Variants in PAQR5 observed in about 807,000 individuals in gnomAD.
PAQR5 encodes the protein membrane progestin receptor gamma.
Under a neutral mutation model 34.5 loss-of-function variants are expected in PAQR5, and 20 were observed. The ratio of observed to expected loss-of-function variants is 0.58; its 90% confidence interval spans 0.41 to 0.84. The LOEUF is 0.84. PAQR5 is among the 40% of genes least tolerant of loss of function. The probability of loss-of-function intolerance (pLI) is 0.00; values close to 1 mark genes in which losing one functional copy is unlikely to be tolerated. For synonymous variants in PAQR5, 131 were observed against 155.6 expected (o/e 0.84, Z 1.18); for missense variants, 378 against 412.7 (o/e 0.92, Z 0.73).
At chr15:69,398,464 A>T (rs1396486002) in intron 7 of PAQR5, among the ~76,000 whole-genome samples, 1 of 152,162 alleles carries the variant, frequency 6.6e-6, no homozygotes, top group Non-Finnish European at 1.5e-5. Context: ...GTAGGGGAAA[A>T]CAATGGATCT....
chr15:69,352,828 C>T lies in PAQR5; in HGVS notation c.-115-7138C>T, dbSNP rs117932943. On this transcript the variant is annotated intron_variant, in intron 2 of 8. Coordinates refer to ENST00000395407, the MANE Select transcript of PAQR5 (RefSeq NM_017705.4). ...TGGATGGTCAGGAATATGGAAGAAA[C>T]ATGACTGGAAAATTGGTGACAAGGA... Among the ~76,000 whole-genome samples, 393 of 152,268 alleles carry T rather than the reference C, an allele frequency of 2.6e-3. 1 individual carries two copies. The highest frequency in any genetic ancestry group is 3.9e-3 in the Non-Finnish European group (264 of 68,016).
At chr15:69,331,626 G>A (rs538979357) in intron 1 of PAQR5, among the ~76,000 whole-genome samples, 1 of 152,028 alleles carries the variant, frequency 6.6e-6, no homozygotes, top group Non-Finnish European at 1.5e-5. Flanking sequence ...CCTGTCTCTC[G>A]GGGTGACTAT....
At chr15:69,323,929 C>T (rs535834511) in intron 1 of PAQR5, among the ~76,000 whole-genome samples, 2 of 152,102 alleles carry the variant, frequency 1.3e-5, no homozygotes, top group African/African-American at 4.8e-5. Context: ...TGTCAGTTAC[C>T]ACAGATCTGT....
intron 7 of PAQR5, among the ~76,000 whole-genome samples, chr15:69,398,970 C>CA (rs2056538271): frequency 6.6e-6 from 1 of 152,212 alleles, no homozygotes; most frequent in South Asian, 2.1e-4. Context: ...TCCTCACCTG[C>CA]AAAATGGGGA....
intron 1 of PAQR5, among the ~76,000 whole-genome samples, chr15:69,317,683 A>G (rs2053985922): frequency 6.6e-6 from 1 of 152,168 alleles, no homozygotes; most frequent in African/African-American, 2.4e-5. Context: ...CAAATCATCT[A>G]GGGAGGTGCA....
Position 69,404,255 on chromosome 15 carries a change from T to C in PAQR5, c.*433T>C, listed in dbSNP as rs755120047. The C allele has an allele frequency of 8.7e-5, 15 of 172,674 alleles. No homozygotes were observed. Among genetic ancestry groups the C allele is most frequent in the Non-Finnish European group, 1.2e-4 (10 of 81,642 alleles). 10.7% of individuals were successfully genotyped at this position (172,674 alleles called of 1,614,324 possible). Reference sequence around the variant, plus strand: ...TGGCCTGTCAACCACTTTCGGAGAATGAGCCAGGTCAGTCACTGGGAGGAC... The same window carrying C: ...TGGCCTGTCAACCACTTTCGGAGAACGAGCCAGGTCAGTCACTGGGAGGAC... On this transcript the variant is annotated 3_prime_UTR_variant, in exon 9 of 9. Transcript: ENST00000395407.
chr15:69,341,244 G>A (rs1219814221), intron 2 of PAQR5, among the ~76,000 whole-genome samples: 1 of 143,456 alleles, frequency 7.0e-6, no homozygotes, highest in African/African-American at 2.6e-5. Context: ...CCTATTCCAG[G>A]CATGTCATCT....
intron 4 of PAQR5, 55 bp downstream of exon 4, chr15:69,380,065 G>C: frequency 6.3e-7 from 1 of 1,596,508 alleles, no homozygotes; most frequent in Non-Finnish European, 8.6e-7. Flanking sequence ...TGGAGACCAG[G>C]GTGTCTTAAA....
In PAQR5 at chr15:69,362,386, G is replaced by T. The variant is rs115215262; in HGVS notation, c.51+2255G>T. On this transcript the variant is annotated intron_variant, in intron 3 of 8. Transcript: ENST00000395407. ...ATGAAGCCATAGAGAAAATATAGTGGCTCTGCCTGCCTGGAGGGTAGTTTT... is the reference window on the plus strand; with the variant it reads ...ATGAAGCCATAGAGAAAATATAGTGTCTCTGCCTGCCTGGAGGGTAGTTTT... Among the ~76,000 whole-genome samples the T allele has an allele frequency of 6.4e-3, 968 of 152,330 alleles. 16 individuals are homozygous for T. Among genetic ancestry groups the T allele is most frequent in the African/African-American group, 0.022 (925 of 41,574 alleles).
At position 69,361,968 on chromosome 15, in the gene PAQR5, C is replaced by T. The variant is rs114307564; in HGVS notation, c.51+1837C>T. The stretch of plus-strand genomic sequence containing the variant: ...GGGGCAGGTGGTGATGGTGGGGGGA[C>T]TGGGGAGCGTCTTGGGGGTAGAGGT... On this transcript the variant is annotated intron_variant, in intron 3 of 8. Transcript: ENST00000395407. 6.2e-3 allele frequency among the ~76,000 whole-genome samples: 931 copies of T among 149,894 alleles called. 12 individuals carry two copies. The highest frequency in any genetic ancestry group is 0.022 in the African/African-American group (889 of 40,614).
In PAQR5 at chr15:69,403,994, G is replaced by A; in HGVS notation, c.*172G>A. ...TTCAGCTGGGGAAATTTCTCTAAATGTACACTGATTCTGTGTGTGTGATTT... is the reference window on the plus strand; with the variant it reads ...TTCAGCTGGGGAAATTTCTCTAAATATACACTGATTCTGTGTGTGTGATTT... On this transcript the variant is annotated 3_prime_UTR_variant, in exon 9 of 9. Transcript: ENST00000395407. The A allele has an allele frequency of 3.0e-6, 2 of 667,382 alleles. No individual in the cohort carries two copies. The highest frequency in any genetic ancestry group is 2.0e-5 in the South Asian group (1 of 50,080). 41.3% of individuals were successfully genotyped at this position (667,382 alleles called of 1,614,324 possible).
intron 1 of PAQR5, among the ~76,000 whole-genome samples, chr15:69,322,751 A>AGAAGAAGAG (rs2054138470): frequency 3.9e-5 from 1 of 25,596 alleles, no homozygotes; most frequent in Non-Finnish European, 8.8e-5. Context: ...AAGAAGAAGA[A>AGAAGAAGAG]GAAGAAGAAG....
intron 2 of PAQR5, among the ~76,000 whole-genome samples, chr15:69,344,441 C>A (rs988700823): frequency 6.6e-6 from 1 of 152,170 alleles, no homozygotes; most frequent in Non-Finnish European, 1.5e-5. Flanking sequence ...TTAAAAATAA[C>A]CTCAACTGAA....
Position 69,319,187 on chromosome 15 carries a change from A to AAATATATACATATATATATT in PAQR5, c.-276-18154_-276-18153insAATATATACATATATATATT, listed in dbSNP as rs2054034423. On this transcript the variant is annotated intron_variant, in intron 1 of 8. Coordinates refer to ENST00000395407, the MANE Select transcript of PAQR5 (RefSeq NM_017705.4). Reference sequence around the variant, plus strand: ...TATATATATATATATATATATATATATATATATATATATATATATATATAT... The same window carrying AAATATATACATATATATATT: ...TATATATATATATATATATATATATAAATATATACATATATATATTTATATATATATATATATATATATAT... Among the ~76,000 whole-genome samples the AAATATATACATATATATATT allele has an allele frequency of 4.9e-4, 3 of 6,106 alleles. 1 individual carries two copies. Among genetic ancestry groups the AAATATATACATATATATATT allele is most frequent in the Admixed American group, 0.01 (2 of 198 alleles). The allele number at this position is 6,106 out of a possible 152,430, so 4.0% of individuals were successfully genotyped here.
chr15:69,394,473 C>T (rs1448581408), intron 6 of PAQR5, among the ~76,000 whole-genome samples: 1 of 152,248 alleles, frequency 6.6e-6, no homozygotes, highest in African/African-American at 2.4e-5. Context: ...TGCACTCGTG[C>T]GTGCGCCTCT....
chr15:69,299,600 T>C (rs2053481059), intron 1 of PAQR5, among the ~76,000 whole-genome samples: 1 of 152,054 alleles, frequency 6.6e-6, no homozygotes, highest in Non-Finnish European at 1.5e-5. Context: ...TACAGGGAGT[T>C]CCCCCTGCTC....
At chr15:69,342,056 A>C (rs2054657438) in intron 2 of PAQR5, among the ~76,000 whole-genome samples, 1 of 152,010 alleles carries the variant, frequency 6.6e-6, no homozygotes, top group Admixed American at 6.6e-5. Flanking sequence ...TTCCATAGCT[A>C]TTGCACCACT....
intron 3 of PAQR5, among the ~76,000 whole-genome samples, chr15:69,367,206 G>A (rs1169989988): frequency 1.3e-5 from 2 of 151,924 alleles, no homozygotes; most frequent in African/African-American, 2.4e-5. Context: ...AAATGCTTTT[G>A]TCTTGTTTTC....
At chr15:69,309,493 A>G (rs2053784487) in intron 1 of PAQR5, among the ~76,000 whole-genome samples, 1 of 152,202 alleles carries the variant, frequency 6.6e-6, no homozygotes, top group Non-Finnish European at 1.5e-5. Context: ...AAAATGTGTC[A>G]GTAGACGTGA....
Sources: gnomAD v4.1 joint callset for allele counts (sites outside exome capture counted in the v4.1 genomes callset) on GRCh38, gnomAD v4.1.1 for gene constraint, MANE v1.5 for transcripts, NCBI Gene and HGNC (gene_info 2026-07-23, HGNC 2026-07-21) for gene names.